POLI: variants seen among roughly 807,000 people sequenced by gnomAD.
POLI encodes the protein RAD30 homolog B.
Under a neutral mutation model 51.6 loss-of-function variants are expected in POLI, and 58 were observed. The observed-to-expected ratio is 1.12, with a 90% CI of 0.91 to 1.40. The LOEUF is 1.40. Ranked by LOEUF, POLI falls within the 40% of genes most tolerant of loss-of-function variation. The probability of loss-of-function intolerance (pLI) is 0.00; values close to 1 mark genes in which losing one functional copy is unlikely to be tolerated. For synonymous variants in POLI, 322 were observed against 299.7 expected (o/e 1.07, Z -0.77); for missense variants, 921 against 871.3 (o/e 1.06, Z -0.72).
chr18:54,270,701 GAGA>G (rs1056344620), intron 1 of POLI: 2 of 152,092 alleles, frequency 1.3e-5, no homozygotes, highest in African/African-American at 2.4e-5. Flanking sequence ...CCAGTGTTGA[GAGA>G]AGGAGTCGCC....
downstream of POLI, among the ~76,000 whole-genome samples, chr18:54,299,297 T>C (rs1008451878): frequency 6.6e-5 from 10 of 152,168 alleles, no homozygotes; most frequent in African/African-American, 2.4e-4. Flanking sequence ...TGACTGGGCG[T>C]GGTGGTGCAC....
Position 54,296,382 on chromosome 18 carries a change from G to A in POLI, c.*1915G>A, listed in dbSNP as rs2088329242. The A allele has an allele frequency of 1.0e-6, 1 of 984,522 alleles. No homozygotes were observed. Among genetic ancestry groups the A allele is most frequent in the South Asian group, 4.7e-5 (1 of 21,254 alleles). 61.0% of individuals were successfully genotyped at this position (984,522 alleles called of 1,614,324 possible). On this transcript the variant is annotated 3_prime_UTR_variant, in exon 10 of 10. Transcript: ENST00000579534. Reference sequence around the variant, plus strand: ...TTTTAAGTTAGTCTCAACATCTTTGGGCCTCAGAATCAACTTTTTTATGGG... The same window carrying A: ...TTTTAAGTTAGTCTCAACATCTTTGAGCCTCAGAATCAACTTTTTTATGGG...
At chr18:54,279,311 C>T (rs1260836470) in intron 4 of POLI, among the ~76,000 whole-genome samples, 6 of 144,898 alleles carry the variant, frequency 4.1e-5, no homozygotes, top group Non-Finnish European at 7.5e-5. Flanking sequence ...GATGTGATCT[C>T]GGCTCACTGC....
downstream of POLI, among the ~76,000 whole-genome samples, chr18:54,299,061 T>C (rs2088444251): frequency 6.6e-6 from 1 of 152,204 alleles, no homozygotes; most frequent in Admixed American, 6.5e-5. Context: ...CATCATAGCT[T>C]AGCCAGGCCT....
At chr18:54,307,067 G>A (rs553349845) in intron 3 of POLI, among the ~76,000 whole-genome samples, 141 of 152,104 alleles carry the variant, frequency 9.3e-4, no homozygotes, top group African/African-American at 3.2e-3. Flanking sequence ...TTTTTTGAAG[G>A]GTTTTTTGTG....
At chr18:54,286,988 A>G (rs2087775178) in intron 7 of POLI, among the ~76,000 whole-genome samples, 1 of 152,038 alleles carries the variant, frequency 6.6e-6, no homozygotes, top group Admixed American at 6.6e-5. Context: ...TTGGATCTGT[A>G]TTATAAAACA....
chr18:54,279,900 AT>A (rs2087422235), intron 4 of POLI, among the ~76,000 whole-genome samples: 1 of 152,238 alleles, frequency 6.6e-6, no homozygotes, highest in Non-Finnish European at 1.5e-5. Context: ...TTCTTGTTAT[AT>A]AATAATACTT....
At chr18:54,315,646 G>A (rs1003733833) in intron 3 of POLI, among the ~76,000 whole-genome samples, 5 of 152,232 alleles carry the variant, frequency 3.3e-5, no homozygotes, top group African/African-American at 7.2e-5. Flanking sequence ...AATGTTGGGC[G>A]CATATATATT....
chr18:54,287,025 CTTCTAT>C (rs1244772821), intron 7 of POLI, among the ~76,000 whole-genome samples: 1 of 151,990 alleles, frequency 6.6e-6, no homozygotes, highest in Non-Finnish European at 1.5e-5. Flanking sequence ...TCTTATATCT[CTTCTAT>C]TTCTGACAGC....
intron 3 of POLI, among the ~76,000 whole-genome samples, chr18:54,312,783 C>T (rs958375166): frequency 6.6e-6 from 1 of 152,044 alleles, no homozygotes; most frequent in African/African-American, 2.4e-5. Context: ...ATGTCCTTTG[C>T]CCACTTTTTA....
chr18:54,312,334 A>C (rs2088678962), intron 3 of POLI, among the ~76,000 whole-genome samples: 1 of 152,034 alleles, frequency 6.6e-6, no homozygotes, highest in Non-Finnish European at 1.5e-5. Context: ...ATGCCATATT[A>C]TCTTTATCGA....
chr18:54,276,743 C>A (rs1252634645), intron 3 of POLI, among the ~76,000 whole-genome samples: 1 of 152,116 alleles, frequency 6.6e-6, no homozygotes, highest in Non-Finnish European at 1.5e-5. Flanking sequence ...CACATTGTTA[C>A]CTTTATTGGT....
chr18:54,308,789 C>CT (rs2088628464), intron 3 of POLI, among the ~76,000 whole-genome samples: 1 of 152,086 alleles, frequency 6.6e-6, no homozygotes, highest in Non-Finnish European at 1.5e-5. Flanking sequence ...GCTTTTAACT[C>CT]TTTTTTCTCT....
At chr18:54,317,922 G>A (rs565886270) in intron 3 of POLI, among the ~76,000 whole-genome samples, 16 of 152,088 alleles carry the variant, frequency 1.1e-4, no homozygotes, top group African/African-American at 2.4e-4. Context: ...TTTTAGATTC[G>A]CCAAAGCTAT....
intron 8 of POLI, among the ~76,000 whole-genome samples, chr18:54,289,427 C>T (rs1033648332): frequency 1.3e-5 from 2 of 151,974 alleles, no homozygotes; most frequent in Non-Finnish European, 2.9e-5. Flanking sequence ...GGTTCAATGC[C>T]ATCCCCATCA....
chr18:54,303,263 C>G (rs944141446), intron 3 of POLI, among the ~76,000 whole-genome samples: 2 of 152,104 alleles, frequency 1.3e-5, no homozygotes, highest in Non-Finnish European at 2.9e-5. Context: ...TAAATTCACC[C>G]CTTTCTGCCT....
intron 8 of POLI, chr18:54,287,667 T>G (rs1028281300): frequency 8.3e-6 from 2 of 240,212 alleles, no homozygotes; most frequent in Non-Finnish European, 1.6e-5. Context: ...GCAGCCTTTG[T>G]CTCCCAGGCT....
downstream of POLI, among the ~76,000 whole-genome samples, chr18:54,299,933 G>T (rs1288522547): frequency 6.6e-6 from 1 of 151,940 alleles, no homozygotes; most frequent in Non-Finnish European, 1.5e-5. Context: ...GAAGCCAGAA[G>T]ACAGTGGTCT....
intron 3 of POLI, among the ~76,000 whole-genome samples, chr18:54,308,188 A>G (rs1479500153): frequency 6.6e-6 from 1 of 152,168 alleles, no homozygotes; most frequent in Admixed American, 6.5e-5. Context: ...GATGGTCTTT[A>G]CAATTTGGCA....
Sources: allele counts gnomAD v4.1 joint callset (sites outside exome capture counted in the v4.1 genomes callset), GRCh38; gene constraint gnomAD v4.1.1; transcripts MANE v1.5; gene names NCBI Gene and HGNC (gene_info 2026-07-23, HGNC 2026-07-21).